The following CSF2RA variants were observed in gnomAD, a reference collection of about 807,000 sequenced individuals.
The protein encoded by CSF2RA is colony stimulating factor 2 receptor subunit alpha, also known as granulocyte-macrophage colony-stimulating factor receptor subunit alpha.
CSF2RA carries 42 observed loss-of-function variants against 51.6 expected under a neutral mutation model. The ratio of observed to expected loss-of-function variants is 0.81; its 90% CI spans 0.64 to 1.05. The LOEUF (loss-of-function observed/expected upper bound fraction) is 1.05. CSF2RA is among the 50% of genes least tolerant of loss of function. CSF2RA has a pLI of 0.00. For synonymous variants in CSF2RA, 222 were observed against 193.0 expected, an observed-to-expected ratio of 1.15 and a Z score of -1.24; for missense variants, 530 against 501.1, an observed-to-expected ratio of 1.06 and a Z score of -0.55.
At chrX:1,284,515 G>C (rs1429541556) in intron 3 of CSF2RA, among the ~76,000 whole-genome samples, 2 of 138,948 alleles carry the variant, frequency 1.4e-5, no homozygotes, top group African/African-American at 5.5e-5. Context: ...TGCAGCCTCA[G>C]CTTTCTGGGA....
rs1487560195 is a variant in CSF2RA at position 1,288,775 on chromosome X, T to G, written c.360T>G (p.Ala120=). The change falls in exon 6 of 13, where the codon GCT becomes GCG. Residue 120 remains alanine (A), a synonymous_variant. Transcript: ENST00000381529. ...LYPNSGREGT[A]AQNFSCFIYN... ...TCTTCCCAGGAAGGGAGGGTACCGC[T>G]GCTCAGAATTTCTCCTGTTTCATCT... 2 of 1,613,964 alleles carry G rather than the reference T, an allele frequency of 1.2e-6. No individual in the cohort carries two copies. The highest frequency in any genetic ancestry group is 2.7e-5 in the African/African-American group (2 of 75,052).
intron 2 of CSF2RA, among the ~76,000 whole-genome samples, chrX:1,278,369 A>G (rs1432556329): frequency 6.7e-6 from 1 of 148,830 alleles, no homozygotes; most frequent in Non-Finnish European, 1.5e-5. Flanking sequence ...CAAGTTTATT[A>G]TGAAAGTAAA....
chrX:1,289,148 G>C (rs749914188), intron 6 of CSF2RA: 47 of 526,840 alleles, frequency 8.9e-5, no homozygotes, highest in African/African-American at 8.6e-4. Flanking sequence ...TTTAGAGACA[G>C]AGTCTTGCTC....
In CSF2RA at chrX:1,305,407, C is replaced by A. The variant is rs372498632; in HGVS notation, c.1044-39C>A. On this transcript the variant is annotated intron_variant, in intron 11 of 12. Coordinates refer to ENST00000381529, the MANE Select transcript of CSF2RA (RefSeq NM_172245.4). ...GTTGATGGAAGGAACTCTGGTGACCCGGGGTTCATTCTCTTCACACTTTTT... is the reference window on the plus strand; with the variant it reads ...GTTGATGGAAGGAACTCTGGTGACCAGGGGTTCATTCTCTTCACACTTTTT... 36 of 1,610,510 alleles carry A rather than the reference C, an allele frequency of 2.2e-5. No individual in the cohort carries two copies. In the African/African-American group the frequency reaches 4.0e-4, roughly 18 times the overall value.
At chrX:1,323,558 T>C in the CSF2RA span, among the ~76,000 whole-genome samples, 1 of 151,800 alleles carries the variant, frequency 6.6e-6, no homozygotes, top group Non-Finnish European at 1.5e-5. Flanking sequence ...GATGCTTCCA[T>C]GGACCGCACC....
chrX:1,276,093 G>T (rs1161888526), intron 2 of CSF2RA, among the ~76,000 whole-genome samples: 2 of 149,144 alleles, frequency 1.3e-5, no homozygotes, highest in African/African-American at 4.9e-5. Flanking sequence ...CTCTGCCTCC[G>T]GAGCTGAAGC....
chrX:1,280,471 C>CA lies in CSF2RA; in HGVS notation c.-26-2188dup, dbSNP rs750353851. On this transcript the variant is annotated intron_variant, in intron 2 of 12. Transcript: ENST00000381529. ...GGGTGACAAGAGTGAAACTCCGTCT[C>CA]AAAAAAAAAAAAAAAAAAAGAAGAA... Among the ~76,000 whole-genome samples, 155 of 129,404 alleles carry CA rather than the reference C, an allele frequency of 1.2e-3. 1 individual carries two copies. Among genetic ancestry groups the CA allele is most frequent in the South Asian group, 7.0e-3 (28 of 3,990 alleles). The allele number at this position is 129,404 out of a possible 152,430, so 84.9% of individuals were successfully genotyped here. A position where few individuals can be genotyped will look rare whatever the true frequency, so the allele number is the denominator to read the frequency against.
rs781010980 is a variant in CSF2RA at position 1,309,433 on chromosome X, G to T, written c.1157G>T (p.Gly386Val). 8 of 1,613,886 alleles carry T rather than the reference G, an allele frequency of 5.0e-6. No individual in the cohort carries two copies. In the South Asian group the frequency reaches 5.5e-5, roughly 11 times the overall value. The change falls in exon 13 of 13, where the codon GGG becomes GTG. Residue 386 changes from glycine (G) to valine (V), a missense_variant. Transcript: ENST00000381529. Reference sequence around the variant, plus strand: ...TGGGAGGAATTCACCCCAGAGGAAGGGAAAGGCTACCGCGAAGAGGTCTTG... The same window carrying T: ...TGGGAGGAATTCACCCCAGAGGAAGTGAAAGGCTACCGCGAAGAGGTCTTG... Reference protein sequence around the residue: ...IIWEEFTPEEGKGYREEVLTV... With the variant: ...IIWEEFTPEEVKGYREEVLTV...
rs373598654 is a variant in CSF2RA, at chrX:1,299,257, T to A, written c.811-1234T>A. 2.6e-5 allele frequency among the ~76,000 whole-genome samples: 4 copies of A among 152,312 alleles called. No individual in the cohort carries two copies. The East Asian group carries it at 7.7e-4, about 29-fold the overall frequency. On this transcript the variant is annotated intron_variant, in intron 9 of 12. Transcript: ENST00000381529. ...ATTATGTCTCCCTCTAAAATGCTTTTAGAGTGAGTACTGTTGCCGGGTATT... is the reference window on the plus strand; with the variant it reads ...ATTATGTCTCCCTCTAAAATGCTTTAAGAGTGAGTACTGTTGCCGGGTATT...
intron 6 of CSF2RA, chrX:1,289,146 CAG>C (rs1426927845): frequency 5.7e-6 from 3 of 528,856 alleles, no homozygotes; most frequent in African/African-American, 1.9e-5. Flanking sequence ...TATTTAGAGA[CAG>C]AGTCTTGCTC....
At chrX:1,316,059 A>G in the CSF2RA span, among the ~76,000 whole-genome samples, 36 of 149,126 alleles carry the variant, frequency 2.4e-4, no homozygotes, top group African/African-American at 4.9e-4. Flanking sequence ...TAGATAGATC[A>G]ATAGATAGAT....
chrX:1,288,938 A>C, intron 6 of CSF2RA, 50 bp downstream of exon 6: 1 of 1,608,300 alleles, frequency 6.2e-7, no homozygotes, highest in Non-Finnish European at 8.5e-7. Context: ...GGGATGGGAG[A>C]AAAAATCATG....
At chrX:1,292,326 C>T (rs1283819810) in intron 7 of CSF2RA, among the ~76,000 whole-genome samples, 2 of 152,180 alleles carry the variant, frequency 1.3e-5, no homozygotes, top group Non-Finnish European at 2.9e-5. Context: ...GGGTATTTCT[C>T]GTCAGGTGGG....
At chrX:1,289,844 TTG>T (rs1487395214) in intron 6 of CSF2RA, among the ~76,000 whole-genome samples, 4 of 150,498 alleles carry the variant, frequency 2.7e-5, no homozygotes, top group African/African-American at 9.7e-5. Context: ...TTGTTTTGTT[TTG>T]TGTTTTTGTG....
intron 2 of CSF2RA, among the ~76,000 whole-genome samples, chrX:1,279,937 C>G (rs1156247341): frequency 6.6e-6 from 1 of 151,778 alleles, no homozygotes; most frequent in Non-Finnish European, 1.5e-5. Flanking sequence ...TTACAGGCAC[C>G]CACCACCCCA....
downstream of CSF2RA, among the ~76,000 whole-genome samples, chrX:1,313,086 A>C (rs1460661022): frequency 8.6e-5 from 13 of 151,860 alleles, no homozygotes; most frequent in East Asian, 1.5e-3. Context: ...GGTTTCAGAG[A>C]CCTCAGGCCC....
downstream of CSF2RA, among the ~76,000 whole-genome samples, chrX:1,314,983 C>CT (rs1569515184): frequency 9.7e-5 from 11 of 112,822 alleles, 1 homozygote; most frequent in African/African-American, 3.6e-4. Context: ...CCTGCCCAAT[C>CT]GCACTGCACC....
chrX:1,290,259 T>C, intron 6 of CSF2RA, 78 bp from the exon 7 acceptor site: 1 of 1,198,772 alleles, frequency 8.3e-7, no homozygotes, highest in South Asian at 1.3e-5. Context: ...TGTTTTGTGT[T>C]TGTTTTTGTT....
chrX:1,310,056 G>A (rs188387059), downstream of CSF2RA: 683 of 353,046 alleles, frequency 1.9e-3, 1 homozygote, highest in Middle Eastern at 5.1e-3. Flanking sequence ...TTAGCTGGGC[G>A]TGGTGGCTTG....
Sources: gnomAD v4.1 joint callset for allele counts (sites outside exome capture counted in the v4.1 genomes callset) on GRCh38, gnomAD v4.1.1 for gene constraint, MANE v1.5 for transcripts, NCBI Gene and HGNC (gene_info 2026-07-23, HGNC 2026-07-21) for gene names.